FBXL17: variants seen among roughly 807,000 people sequenced by gnomAD.
FBXL17 encodes F-box/LRR-repeat protein 17.
A neutral mutation model predicts 66.2 loss-of-function variants in FBXL17; 22 were observed. The ratio of observed to expected loss-of-function variants is 0.33; its 90% confidence interval spans 0.24 to 0.47. The LOEUF is 0.47. Among genes scored for constraint, FBXL17 ranks in the 20% least tolerant of loss-of-function variants. The probability of loss-of-function intolerance (pLI) is 1.00; values close to 1 mark genes in which losing one functional copy is unlikely to be tolerated. For missense variants in FBXL17, 878 were observed against 948.2 expected, an observed-to-expected ratio of 0.93 and a Z score of 0.97; for synonymous variants, 474 against 400.5, an observed-to-expected ratio of 1.18 and a Z score of -2.19.
chr5:108,309,442 C>T (rs937829637), intron 4 of FBXL17, among the ~76,000 whole-genome samples: 1 of 151,850 alleles, frequency 6.6e-6, no homozygotes, highest in African/African-American at 2.4e-5. Flanking sequence ...AAAAAAAAGG[C>T]TATTTTCATC....
intron 6 of FBXL17, among the ~76,000 whole-genome samples, chr5:108,127,204 T>C (rs34432): frequency 0.2 from 31,156 of 152,136 alleles, 3,432 homozygotes; most frequent in South Asian, 0.42. Flanking sequence ...CCAACACTTA[T>C]GTCTTTGTAG....
chr5:108,277,578 C>T (rs1452320530), intron 4 of FBXL17, among the ~76,000 whole-genome samples: 2 of 152,084 alleles, frequency 1.3e-5, no homozygotes, highest in East Asian at 3.9e-4. Context: ...AACAAACAAA[C>T]AAAAAGCCAA....
chr5:108,031,817 A>ATAGAT (rs1746654664), intron 6 of FBXL17, among the ~76,000 whole-genome samples: 2 of 152,140 alleles, frequency 1.3e-5, no homozygotes, highest in Admixed American at 6.6e-5. Context: ...TAGATAATGG[A>ATAGAT]AATGCATCTG....
intron 5 of FBXL17, among the ~76,000 whole-genome samples, chr5:108,197,984 G>A (rs1471778152): frequency 1.3e-5 from 2 of 152,086 alleles, no homozygotes; most frequent in East Asian, 1.9e-4. Flanking sequence ...TTCAAAGAGT[G>A]GATGAGAAAC....
Position 108,269,814 on chromosome 5 carries a change from A to C in FBXL17, c.1507-45586T>G, listed in dbSNP as rs187559314. The stretch of plus-strand genomic sequence containing the variant: ...ATTCAATAATAAAGAAAATTTGCTG[A>C]AATCTTTTAGACGAGGGTTTGTTTT... On this transcript the variant is annotated intron_variant, in intron 4 of 8. Transcript: ENST00000542267. Among the ~76,000 whole-genome samples, 4 of 152,248 alleles carry C rather than the reference A, an allele frequency of 2.6e-5. No individual in the cohort carries two copies. In the East Asian group the frequency reaches 7.7e-4, roughly 29 times the overall value.
At chr5:108,157,168 C>A (rs13166164) in intron 6 of FBXL17, among the ~76,000 whole-genome samples, 1 of 144,444 alleles carries the variant, frequency 6.9e-6, no homozygotes, top group Non-Finnish European at 1.5e-5. Flanking sequence ...CTATCTATGG[C>A]ACTGAACAAA....
intron 5 of FBXL17, among the ~76,000 whole-genome samples, chr5:108,204,502 T>G (rs1272733286): frequency 6.6e-6 from 1 of 152,184 alleles, no homozygotes; most frequent in Non-Finnish European, 1.5e-5. Context: ...AAGGTCTTCT[T>G]GACTACTGAT....
At chr5:108,346,494 A>G (rs1747290398) in intron 4 of FBXL17, among the ~76,000 whole-genome samples, 1 of 152,132 alleles carries the variant, frequency 6.6e-6, no homozygotes. Flanking sequence ...TTTGATTGCC[A>G]ATAAAACTAT....
chr5:107,949,946 GC>G (rs1181412623), intron 7 of FBXL17, among the ~76,000 whole-genome samples: 4 of 152,126 alleles, frequency 2.6e-5, no homozygotes, highest in Non-Finnish European at 4.4e-5. Context: ...ATTTGTGAAT[GC>G]CCCCCACCTC....
chr5:107,980,645 A>AATATATATATATATATATATATATATAT (rs61438456), intron 7 of FBXL17, among the ~76,000 whole-genome samples: 35 of 79,094 alleles, frequency 4.4e-4, no homozygotes, highest in South Asian at 9.0e-4. Context: ...CCAATAAAAT[A>AATATATATATATATATATATATATATAT]ATATATATAT....
At chr5:108,330,422 A>T (rs1468467622) in intron 4 of FBXL17, among the ~76,000 whole-genome samples, 1 of 152,226 alleles carries the variant, frequency 6.6e-6, no homozygotes, top group African/African-American at 2.4e-5. Flanking sequence ...TCATATGTTT[A>T]AAACAACACT....
intron 4 of FBXL17, among the ~76,000 whole-genome samples, chr5:108,258,985 GT>G (rs1756696921): frequency 6.6e-6 from 1 of 152,124 alleles, no homozygotes; most frequent in Non-Finnish European, 1.5e-5. Context: ...TTCCAAGGCA[GT>G]CTATAGATCA....
chr5:108,373,208 C>A (rs1242286275), intron 1 of FBXL17, among the ~76,000 whole-genome samples: 6 of 101,164 alleles, frequency 5.9e-5, no homozygotes, highest in East Asian at 2.2e-4. Flanking sequence ...TATAACATAT[C>A]TAAATATATT....
intron 7 of FBXL17, among the ~76,000 whole-genome samples, chr5:108,019,652 T>TAC (rs1040561303): frequency 2.4e-4 from 36 of 150,810 alleles, no homozygotes; most frequent in Admixed American, 1.1e-3. Context: ...AATACACACA[T>TAC]ACACACACAC....
At chr5:108,295,605 A>G (rs1758313515) in intron 4 of FBXL17, among the ~76,000 whole-genome samples, 1 of 151,966 alleles carries the variant, frequency 6.6e-6, no homozygotes, top group Non-Finnish European at 1.5e-5. Flanking sequence ...CAAACAAACA[A>G]ATCAGTTACT....
intron 4 of FBXL17, among the ~76,000 whole-genome samples, chr5:108,280,845 A>T (rs1390295923): frequency 1.3e-5 from 2 of 151,930 alleles, no homozygotes; most frequent in Admixed American, 6.6e-5. Context: ...CACAAACGTA[A>T]ATCAAAAGCA....
chr5:108,109,618 C>A (rs556928582), intron 6 of FBXL17, among the ~76,000 whole-genome samples: 51 of 152,078 alleles, frequency 3.4e-4, no homozygotes, highest in Non-Finnish European at 4.0e-4. Context: ...TCTTGATTAT[C>A]TGTCTTGTTA....
At chr5:107,979,657 AAGAG>A (rs1752727683) in intron 7 of FBXL17, among the ~76,000 whole-genome samples, 1 of 152,168 alleles carries the variant, frequency 6.6e-6, no homozygotes, top group Non-Finnish European at 1.5e-5. Flanking sequence ...CTTCTCTAAA[AAGAG>A]TATGAATCTA....
chr5:108,156,112 T>C (rs1387611519), intron 6 of FBXL17, among the ~76,000 whole-genome samples: 1 of 152,148 alleles, frequency 6.6e-6, no homozygotes, highest in African/African-American at 2.4e-5. Context: ...ATATTTGCTA[T>C]AACCCTAATA....
Sources: allele counts gnomAD v4.1 joint callset (sites outside exome capture counted in the v4.1 genomes callset), GRCh38; gene constraint gnomAD v4.1.1; transcripts MANE v1.5; gene names NCBI Gene and HGNC (gene_info 2026-07-23, HGNC 2026-07-21).